MCTP1: variants seen among roughly 807,000 people sequenced by gnomAD.
MCTP1 encodes the protein multiple C2 and transmembrane domain-containing protein 1.
MCTP1 carries 69 observed loss-of-function variants against 120.6 expected under a neutral mutation model. That is an observed-to-expected ratio of 0.57 (90% CI 0.47 to 0.70). The LOEUF (loss-of-function observed/expected upper bound fraction) is 0.70, where lower values mean the gene tolerates loss of function less well. Among genes scored for constraint, MCTP1 ranks in the 30% least tolerant of loss-of-function variants. The pLI is 0.00. For synonymous variants in MCTP1, 529 were observed against 493.1 expected (o/e 1.07, Z -0.96); for missense variants, 1,203 against 1,248.8 (o/e 0.96, Z 0.55).
At chr5:95,031,187 G>T (rs1840217447) in intron 1 of MCTP1, among the ~76,000 whole-genome samples, 1 of 151,710 alleles carries the variant, frequency 6.6e-6, no homozygotes, top group South Asian at 2.1e-4. Flanking sequence ...GAAAAAAAAA[G>T]TAGGAACTCA....
intron 2 of MCTP1, among the ~76,000 whole-genome samples, chr5:95,000,428 T>C (rs1001855600): frequency 6.6e-6 from 1 of 152,192 alleles, no homozygotes; most frequent in Non-Finnish European, 1.5e-5. Flanking sequence ...TCATAGGAGA[T>C]GACAGCTCCA....
At chr5:94,715,951 A>G (rs1313842596) in intron 19 of MCTP1, among the ~76,000 whole-genome samples, 6 of 152,246 alleles carry the variant, frequency 3.9e-5, no homozygotes, top group Non-Finnish European at 1.5e-5. Flanking sequence ...AAGCTAGAAT[A>G]ATAATGTCAT....
In MCTP1 at chr5:94,860,267, T is replaced by C. The variant is rs150202825; in HGVS notation, c.2436+8066A>G. 1.1e-4 allele frequency among the ~76,000 whole-genome samples: 16 copies of C among 151,806 alleles called. No homozygotes were observed. In the East Asian group the frequency reaches 2.9e-3, roughly 28 times the overall value. On this transcript the variant is annotated intron_variant, in intron 17 of 22. Transcript: ENST00000515393. ...ATATGTTTATATCTCTGACATAATA[T>C]TCATTAAAAATATAAAGAGTAACTA...
intron 18 of MCTP1, chr5:94,789,088 C>CA (rs1158162484): frequency 6.6e-6 from 1 of 152,066 alleles, no homozygotes; most frequent in Non-Finnish European, 1.5e-5. Context: ...TCACAGCTGC[C>CA]AAAAACAATT....
chr5:94,749,984 A>G (rs1191483857), intron 19 of MCTP1, among the ~76,000 whole-genome samples: 2 of 152,228 alleles, frequency 1.3e-5, no homozygotes, highest in Non-Finnish European at 2.9e-5. Flanking sequence ...CCGAAAAACT[A>G]TTACTTCAGT....
intron 1 of MCTP1, among the ~76,000 whole-genome samples, chr5:95,137,590 T>G (rs983336453): frequency 3.9e-5 from 6 of 152,234 alleles, no homozygotes; most frequent in African/African-American, 1.2e-4. Flanking sequence ...CTTTGGCCAC[T>G]ACTAAGATCA....
intron 1 of MCTP1, among the ~76,000 whole-genome samples, chr5:95,147,394 CTTAT>C (rs565861526): frequency 2.0e-3 from 302 of 152,236 alleles, no homozygotes; most frequent in African/African-American, 7.0e-3. Flanking sequence ...CTATTGGGTG[CTTAT>C]TTATTTATGA....
chr5:95,261,951 C>T (rs1758508871), intron 1 of MCTP1, among the ~76,000 whole-genome samples: 1 of 152,186 alleles, frequency 6.6e-6, no homozygotes, highest in African/African-American at 2.4e-5. Context: ...AGAGTTTCCC[C>T]ACATAGAGGC....
intron 19 of MCTP1, among the ~76,000 whole-genome samples, chr5:94,776,261 C>T (rs1459416374): frequency 6.6e-6 from 1 of 152,086 alleles, no homozygotes; most frequent in East Asian, 1.9e-4. Context: ...GTCAAGTAGC[C>T]AATGACTTGC....
chr5:95,098,677 G>T (rs949033133), intron 1 of MCTP1, among the ~76,000 whole-genome samples: 2 of 149,084 alleles, frequency 1.3e-5, no homozygotes, highest in African/African-American at 5.0e-5. Flanking sequence ...AATCAATATC[G>T]TGAAAATGGC....
chr5:94,986,941 T>G (rs1830528480), intron 2 of MCTP1, among the ~76,000 whole-genome samples: 1 of 152,194 alleles, frequency 6.6e-6, no homozygotes, highest in Non-Finnish European at 1.5e-5. Flanking sequence ...TATAAAATGG[T>G]GTAGTATTTG....
intron 1 of MCTP1, among the ~76,000 whole-genome samples, chr5:95,093,929 G>C (rs1756033696): frequency 6.6e-6 from 1 of 152,198 alleles, no homozygotes; most frequent in South Asian, 2.1e-4. Flanking sequence ...AGCTCATGGA[G>C]AGGTCTACGT....
intron 18 of MCTP1, among the ~76,000 whole-genome samples, chr5:94,783,497 T>A (rs1261203004): frequency 6.6e-6 from 1 of 152,062 alleles, no homozygotes; most frequent in East Asian, 1.9e-4. Flanking sequence ...TTAATAGTGA[T>A]GTCAATAATC....
intron 19 of MCTP1, among the ~76,000 whole-genome samples, chr5:94,765,745 TA>T (rs1370476310): frequency 5.4e-5 from 7 of 130,514 alleles, no homozygotes; most frequent in Non-Finnish European, 8.3e-5. Context: ...AAATAGAGAC[TA>T]AAAAATTACA....
chr5:94,858,683 C>G lies in MCTP1; in HGVS notation c.2436+9650G>C, dbSNP rs116248661. ...AAGGAGAGTTACTATGTTAGTAAGT[C>G]ATTTTACCTCTTAACACTTCAGTCT... On this transcript the variant is annotated intron_variant, in intron 17 of 22. Transcript: ENST00000515393. Among the ~76,000 whole-genome samples, 702 of 151,780 alleles carry G rather than the reference C, an allele frequency of 4.6e-3. 9 individuals carry two copies. The highest frequency in any genetic ancestry group is 0.016 in the African/African-American group (665 of 41,484).
intron 19 of MCTP1, among the ~76,000 whole-genome samples, chr5:94,743,084 G>A (rs1765900655): frequency 6.7e-6 from 1 of 148,480 alleles, no homozygotes; most frequent in Non-Finnish European, 1.5e-5. Context: ...CCAAAACAGA[G>A]CAATCAAGTA....
intron 19 of MCTP1, among the ~76,000 whole-genome samples, chr5:94,741,038 G>T (rs1179265182): frequency 1.3e-5 from 2 of 152,196 alleles, no homozygotes; most frequent in African/African-American, 2.4e-5. Context: ...TGGGGAAGCT[G>T]TCAAGAGTCT....
chr5:94,867,284 G>A (rs1052502840), intron 17 of MCTP1: 20 of 1,530,420 alleles, frequency 1.3e-5, no homozygotes, highest in Middle Eastern at 1.7e-4. Flanking sequence ...ACGTCTATGG[G>A]AAGCAGGCTG....
chr5:94,832,654 A>G (rs1393311850), intron 17 of MCTP1, among the ~76,000 whole-genome samples: 1 of 146,822 alleles, frequency 6.8e-6, no homozygotes, highest in Non-Finnish European at 1.5e-5. Flanking sequence ...ACACTTCCCT[A>G]CTCCCCTTCA....
Sources: allele counts gnomAD v4.1 joint callset (sites outside exome capture counted in the v4.1 genomes callset), GRCh38; gene constraint gnomAD v4.1.1; transcripts MANE v1.5; gene names NCBI Gene and HGNC (gene_info 2026-07-23, HGNC 2026-07-21).